DSCAM: variants seen among roughly 807,000 people sequenced by gnomAD.
DSCAM encodes the protein cell adhesion molecule DSCAM.
In DSCAM, 47 loss-of-function variants were observed where a neutral mutation model predicts 217.7. The ratio of observed to expected loss-of-function variants is 0.22; its 90% CI spans 0.17 to 0.28. The LOEUF (loss-of-function observed/expected upper bound fraction) is 0.28. DSCAM is among the 10% of genes least tolerant of loss of function. DSCAM has a pLI of 1.00. For missense variants in DSCAM, 2,080 were observed against 2,618.3 expected (o/e 0.79, Z 4.49); for synonymous variants, 1,056 against 1,015.3 (o/e 1.04, Z -0.76).
intron 3 of DSCAM, among the ~76,000 whole-genome samples, chr21:40,482,512 T>A (rs2075991951): frequency 6.6e-6 from 1 of 152,236 alleles, no homozygotes; most frequent in Non-Finnish European, 1.5e-5. Context: ...ACAACATGGG[T>A]ATACTTTGAA....
intron 3 of DSCAM, among the ~76,000 whole-genome samples, chr21:40,677,097 T>A (rs761179890): frequency 1.3e-5 from 2 of 152,034 alleles, no homozygotes; most frequent in Non-Finnish European, 2.9e-5. Flanking sequence ...TTTCCTAGTA[T>A]CATCTGCAGT....
intron 11 of DSCAM, among the ~76,000 whole-genome samples, chr21:40,222,059 A>C (rs2091293165): frequency 6.6e-6 from 1 of 152,200 alleles, no homozygotes; most frequent in Non-Finnish European, 1.5e-5. Flanking sequence ...AAAAGGAATG[A>C]AGTGAGCCTG....
At chr21:40,061,616 T>C (rs2089123859) in intron 28 of DSCAM, among the ~76,000 whole-genome samples, 1 of 151,646 alleles carries the variant, frequency 6.6e-6, no homozygotes. Flanking sequence ...CTTCATATCA[T>C]TGTTTTACCT....
intron 8 of DSCAM, among the ~76,000 whole-genome samples, chr21:40,312,704 A>C (rs2074152338): frequency 6.6e-6 from 1 of 152,234 alleles, no homozygotes; most frequent in Non-Finnish European, 1.5e-5. Flanking sequence ...AAAATGATGT[A>C]TACAAGAGGA....
chr21:40,024,420 C>G (rs186623109), intron 32 of DSCAM, among the ~76,000 whole-genome samples: 2,211 of 55,444 alleles, frequency 0.04, 397 homozygotes, highest in African/African-American at 0.08. Flanking sequence ...GGCATTGGTA[C>G]CTTGATGGGG....
At chr21:40,380,748 A>C (rs1022382584) in intron 3 of DSCAM, among the ~76,000 whole-genome samples, 3 of 152,206 alleles carry the variant, frequency 2.0e-5, no homozygotes, top group Non-Finnish European at 4.4e-5. Context: ...TATCCAAGGA[A>C]CTGACACAGG....
At chr21:40,722,446 T>C (rs2090911695) in intron 1 of DSCAM, among the ~76,000 whole-genome samples, 1 of 152,160 alleles carries the variant, frequency 6.6e-6, no homozygotes, top group South Asian at 2.1e-4. Context: ...AGTGGTATTA[T>C]TTGAAAGTAA....
chr21:40,809,465 T>G (rs2091818348), intron 1 of DSCAM, among the ~76,000 whole-genome samples: 1 of 151,246 alleles, frequency 6.6e-6, no homozygotes, highest in Admixed American at 6.6e-5. Flanking sequence ...TTGTTAAGAA[T>G]CAGAGAATCA....
chr21:40,104,343 G>GA (rs1349732976), intron 20 of DSCAM, among the ~76,000 whole-genome samples: 2 of 151,934 alleles, frequency 1.3e-5, no homozygotes, highest in East Asian at 1.9e-4. Flanking sequence ...TTACAAAATT[G>GA]AAAAAAATAG....
At chr21:40,675,552 AG>A (rs555670226) in intron 3 of DSCAM, among the ~76,000 whole-genome samples, 107 of 152,348 alleles carry the variant, frequency 7.0e-4, no homozygotes, top group Non-Finnish European at 1.2e-3. Flanking sequence ...CTTCTAAGAA[AG>A]GGTTGGAGAC....
intron 3 of DSCAM, among the ~76,000 whole-genome samples, chr21:40,581,160 C>T (rs913390747): frequency 6.6e-6 from 1 of 152,180 alleles, no homozygotes; most frequent in Non-Finnish European, 1.5e-5. Context: ...GTAAGAGAAT[C>T]CTTTAAACGA....
At chr21:40,174,757 G>A (rs770728138) in intron 15 of DSCAM, among the ~76,000 whole-genome samples, 5 of 152,168 alleles carry the variant, frequency 3.3e-5, no homozygotes, top group Non-Finnish European at 7.3e-5. Flanking sequence ...ATTTTCAGCT[G>A]AAATTTCCAG....
At chr21:40,519,811 T>C (rs2076343861) in intron 3 of DSCAM, among the ~76,000 whole-genome samples, 1 of 151,918 alleles carries the variant, frequency 6.6e-6, no homozygotes, top group East Asian at 1.9e-4. Context: ...TGTGGGCCAA[T>C]TTCTTTAAGT....
chr21:40,222,680 G>GTTTTT (rs58364652), intron 11 of DSCAM, among the ~76,000 whole-genome samples: 3 of 151,646 alleles, frequency 2.0e-5, no homozygotes, highest in South Asian at 2.1e-4. Context: ...TCTAAAAATA[G>GTTTTT]TTTATTAAGA....
At chr21:40,240,512 A>C (rs2073138416) in intron 11 of DSCAM, among the ~76,000 whole-genome samples, 1 of 152,090 alleles carries the variant, frequency 6.6e-6, no homozygotes, top group Non-Finnish European at 1.5e-5. Context: ...CCACAAGATG[A>C]CAGTGAATTA....
chr21:40,043,344 CTG>C (rs774120367), intron 31 of DSCAM, among the ~76,000 whole-genome samples: 9 of 152,300 alleles, frequency 5.9e-5, no homozygotes, highest in East Asian at 1.9e-4. Context: ...GTGTGGAACT[CTG>C]AGACTCTTCT....
chr21:40,229,603 T>C (rs1398543601), intron 11 of DSCAM, among the ~76,000 whole-genome samples: 1 of 152,228 alleles, frequency 6.6e-6, no homozygotes, highest in African/African-American at 2.4e-5. Flanking sequence ...AATGGAGTCA[T>C]AGAGTATCCA....
chr21:40,261,055 G>C (rs2073443277), intron 11 of DSCAM, among the ~76,000 whole-genome samples: 1 of 152,172 alleles, frequency 6.6e-6, no homozygotes, highest in Non-Finnish European at 1.5e-5. Flanking sequence ...ATAGACAATA[G>C]CATGAGCATT....
At position 40,210,886 on chromosome 21, in the gene DSCAM, C is replaced by G. The variant is rs566676660; in HGVS notation, c.2357-21648G>C. ...ACCCACATTCATTTGTGTGTATGTGCTCGTGTAGCTCTGTAGGTGTATACT... is the reference window on the plus strand; with the variant it reads ...ACCCACATTCATTTGTGTGTATGTGGTCGTGTAGCTCTGTAGGTGTATACT... On this transcript the variant is annotated intron_variant, in intron 11 of 32. Coordinates refer to ENST00000400454, the MANE Select transcript of DSCAM (RefSeq NM_001389.5). 7.9e-5 allele frequency among the ~76,000 whole-genome samples: 12 copies of G among 152,298 alleles called. No homozygotes were observed. The South Asian group carries it at 2.5e-3, about 32-fold the overall frequency.
Sources: gnomAD v4.1 joint callset for allele counts (sites outside exome capture counted in the v4.1 genomes callset) on GRCh38, gnomAD v4.1.1 for gene constraint, MANE v1.5 for transcripts, NCBI Gene and HGNC (gene_info 2026-07-23, HGNC 2026-07-21) for gene names.